NSMCE2: variants seen among roughly 807,000 people sequenced by gnomAD.
NSMCE2 encodes NSE2 SUMO ligase component of SMC5/6 complex.
NSMCE2 carries 24 observed loss-of-function variants against 23.8 expected under a neutral mutation model. The observed-to-expected ratio is 1.01, with a 90% CI of 0.73 to 1.42. The LOEUF is 1.42. Among genes scored for constraint, NSMCE2 ranks in the 40% most tolerant of loss-of-function variants. NSMCE2 has a pLI of 0.00. For synonymous variants in NSMCE2, 92 were observed against 94.1 expected (o/e 0.98, Z 0.13); for missense variants, 284 against 296.5 (o/e 0.96, Z 0.31).
At chr8:125,201,097 C>T (rs1250812808) in intron 5 of NSMCE2, among the ~76,000 whole-genome samples, 1 of 152,048 alleles carries the variant, frequency 6.6e-6, no homozygotes, top group Non-Finnish European at 1.5e-5. Context: ...TTTTAGCTTC[C>T]TTGTGATGGG....
At chr8:125,180,480 AAAG>A (rs1465985389) in intron 4 of NSMCE2, among the ~76,000 whole-genome samples, 7 of 152,242 alleles carry the variant, frequency 4.6e-5, no homozygotes. Context: ...CAATTAAGCA[AAAG>A]AAGATTATGT....
intron 5 of NSMCE2, among the ~76,000 whole-genome samples, 189 bp from the exon 6 acceptor site, chr8:125,357,030 T>C (rs1470802004): frequency 6.6e-6 from 1 of 152,136 alleles, no homozygotes; most frequent in Non-Finnish European, 1.5e-5. Context: ...AGTTTCCTTA[T>C]CAAAAATAGT....
chr8:125,272,649 A>G (rs551092365), intron 5 of NSMCE2, among the ~76,000 whole-genome samples: 2 of 127,948 alleles, frequency 1.6e-5, no homozygotes, highest in South Asian at 4.4e-4. Context: ...CCACAATAAA[A>G]CAGTTATAGA....
Position 125,290,589 on chromosome 8 carries a change from A to C in NSMCE2, c.419-66630A>C, listed in dbSNP as rs1017239664. Among the ~76,000 whole-genome samples, 3 of 152,218 alleles carry C rather than the reference A, an allele frequency of 2.0e-5. No individual in the cohort carries two copies. The South Asian group carries it at 6.2e-4, about 31-fold the overall frequency. On this transcript the variant is annotated intron_variant, in intron 5 of 7. Coordinates refer to ENST00000287437, the MANE Select transcript of NSMCE2 (RefSeq NM_173685.4). ...AGTTCAACTAAAGAGCCCAGACAGA[A>C]TTAGAATCTCTCAGTTACAATTCCA...
chr8:125,244,864 G>A (rs1197429202), intron 5 of NSMCE2, among the ~76,000 whole-genome samples: 6 of 152,084 alleles, frequency 3.9e-5, no homozygotes, highest in Non-Finnish European at 5.9e-5. Flanking sequence ...ATAGAGGAGC[G>A]ACTGCTCAAA....
Position 125,291,222 on chromosome 8 carries a change from G to A in NSMCE2, c.419-65997G>A, listed in dbSNP as rs1042771641. Among the ~76,000 whole-genome samples, 14 of 152,140 alleles carry A rather than the reference G, an allele frequency of 9.2e-5. No individual in the cohort carries two copies. The South Asian group carries it at 2.9e-3, about 31-fold the overall frequency. On this transcript the variant is annotated intron_variant, in intron 5 of 7. Transcript: ENST00000287437. ...CTGTACTAACTTTGCTTATTCATCC[G>A]AAGAGACTGGAGGTGGTAATCATAA... is the stretch of plus-strand genomic sequence containing the variant.
At chr8:125,234,714 C>A (rs975008994) in intron 5 of NSMCE2, among the ~76,000 whole-genome samples, 1 of 152,084 alleles carries the variant, frequency 6.6e-6, no homozygotes, top group Non-Finnish European at 1.5e-5. Context: ...TGATGATGTT[C>A]CACATTTTCT....
chr8:125,272,070 A>G (rs1484267320), intron 5 of NSMCE2, among the ~76,000 whole-genome samples: 11 of 148,052 alleles, frequency 7.4e-5, no homozygotes, highest in East Asian at 6.0e-4. Flanking sequence ...CTGGAGTGCA[A>G]TGGCGCTATC....
intron 3 of NSMCE2, among the ~76,000 whole-genome samples, chr8:125,144,006 A>AG (rs1820523456): frequency 6.6e-6 from 1 of 152,198 alleles, no homozygotes; most frequent in Non-Finnish European, 1.5e-5. Flanking sequence ...AGTGTAATGA[A>AG]GTAGTATAGA....
intron 5 of NSMCE2, among the ~76,000 whole-genome samples, chr8:125,295,665 C>T (rs1051123830): frequency 5.3e-5 from 8 of 152,178 alleles, no homozygotes; most frequent in Admixed American, 2.0e-4. Context: ...TGTTCTGCCT[C>T]ATTGGTTCCT....
intron 5 of NSMCE2, among the ~76,000 whole-genome samples, chr8:125,289,158 C>T (rs1211462156): frequency 6.6e-6 from 1 of 152,192 alleles, no homozygotes; most frequent in African/African-American, 2.4e-5. Flanking sequence ...CTTACCACAT[C>T]CTCAATAAAT....
intron 5 of NSMCE2, among the ~76,000 whole-genome samples, chr8:125,183,634 G>GGTATGT (rs71515999): frequency 6.8e-6 from 1 of 147,502 alleles, no homozygotes; most frequent in African/African-American, 2.5e-5. Context: ...ATTACTCAGT[G>GGTATGT]GTGTGTGTGT....
intron 3 of NSMCE2, among the ~76,000 whole-genome samples, chr8:125,117,806 A>T (rs141669996): frequency 6.6e-6 from 1 of 152,286 alleles, no homozygotes; most frequent in Non-Finnish European, 1.5e-5. Flanking sequence ...ATGTCTTCAG[A>T]GTCTGGGACT....
At chr8:125,111,726 G>A (rs980468124) in intron 3 of NSMCE2, among the ~76,000 whole-genome samples, 1 of 152,156 alleles carries the variant, frequency 6.6e-6, no homozygotes, top group Non-Finnish European at 1.5e-5. Flanking sequence ...CTTGAACCCA[G>A]GAGGCAGAGG....
At chr8:125,162,430 A>G (rs977425323) in intron 4 of NSMCE2, among the ~76,000 whole-genome samples, 7 of 152,186 alleles carry the variant, frequency 4.6e-5, no homozygotes, top group African/African-American at 1.7e-4. Context: ...GTAAAGTGTC[A>G]TATATGGTCC....
intron 5 of NSMCE2, among the ~76,000 whole-genome samples, chr8:125,209,565 A>T (rs1436943863): frequency 6.6e-6 from 1 of 152,230 alleles, no homozygotes; most frequent in Non-Finnish European, 1.5e-5. Flanking sequence ...TGATGTAACT[A>T]TATATAATTA....
intron 5 of NSMCE2, among the ~76,000 whole-genome samples, chr8:125,244,138 G>A (rs1188898581): frequency 6.6e-6 from 1 of 151,930 alleles, no homozygotes; most frequent in Non-Finnish European, 1.5e-5. Context: ...TAATGTAACA[G>A]ACTAATAGCA....
In NSMCE2 at chr8:125,355,671, G is replaced by A. The variant is rs1032227671; in HGVS notation, c.419-1548G>A. ...GCCAAGATCGCGCCATTGCACTCCA[G>A]CCTGGGTGACAGAGCGAGACTCCAT... On this transcript the variant is annotated intron_variant, in intron 5 of 7. Coordinates refer to ENST00000287437, the MANE Select transcript of NSMCE2 (RefSeq NM_173685.4). Among the ~76,000 whole-genome samples, 42 of 133,352 alleles carry A rather than the reference G, an allele frequency of 3.1e-4. 1 individual carries two copies. The highest frequency in any genetic ancestry group is 4.9e-3 in the Middle Eastern group (1 of 206). The allele number at this position is 133,352 out of a possible 152,430, so 87.5% of individuals were successfully genotyped here. A position where few individuals can be genotyped will look rare whatever the true frequency, so the allele number is the denominator to read the frequency against.
At chr8:125,188,465 A>G (rs908688501) in intron 5 of NSMCE2, among the ~76,000 whole-genome samples, 17 of 152,084 alleles carry the variant, frequency 1.1e-4, no homozygotes, top group Admixed American at 1.1e-3. Context: ...CTGCCAGCCT[A>G]TTGTTGCTGT....
Sources: gnomAD v4.1 joint callset for allele counts (sites outside exome capture counted in the v4.1 genomes callset) on GRCh38, gnomAD v4.1.1 for gene constraint, MANE v1.5 for transcripts, NCBI Gene and HGNC (gene_info 2026-07-23, HGNC 2026-07-21) for gene names.